Variants in STX17 observed in about 807,000 individuals in gnomAD.
STX17 encodes syntaxin-17.
Under a neutral mutation model 35.9 loss-of-function variants are expected in STX17, and 29 were observed. The observed-to-expected ratio is 0.81, with a 90% CI of 0.60 to 1.10. STX17 has a LOEUF of 1.10. STX17 is among the 50% of genes least tolerant of loss of function. The probability of loss-of-function intolerance (pLI) is 0.00; values close to 1 mark genes in which losing one functional copy is unlikely to be tolerated. For missense variants in STX17, 312 were observed against 352.3 expected (o/e 0.89, Z 0.92); for synonymous variants, 92 against 118.3 (o/e 0.78, Z 1.44).
At chr9:99,962,951 T>C (rs1009523035) in intron 6 of STX17, among the ~76,000 whole-genome samples, 2 of 152,194 alleles carry the variant, frequency 1.3e-5, no homozygotes, top group African/African-American at 4.8e-5. Context: ...TGATAGTGTC[T>C]AGACAAATTA....
chr9:99,941,158 A>G (rs902555063), intron 3 of STX17, among the ~76,000 whole-genome samples: 2 of 152,230 alleles, frequency 1.3e-5, no homozygotes, highest in African/African-American at 2.4e-5. Flanking sequence ...TTGGACCACT[A>G]CTTTGCCACT....
At chr9:99,953,364 A>G (rs952716711) in intron 4 of STX17, among the ~76,000 whole-genome samples, 26 of 152,120 alleles carry the variant, frequency 1.7e-4, no homozygotes, top group African/African-American at 5.5e-4. Context: ...GTAATTTCAC[A>G]TGCACTGTAA....
At chr9:99,945,679 A>T in intron 3 of STX17, 1 of 359,586 alleles carries the variant, frequency 2.8e-6, no homozygotes, top group Non-Finnish European at 5.5e-6. Context: ...TTTTGTATTG[A>T]TCTTGTTTTT....
chr9:99,930,375 C>T (rs1829095071), intron 3 of STX17, among the ~76,000 whole-genome samples: 1 of 151,942 alleles, frequency 6.6e-6, no homozygotes, highest in Admixed American at 6.5e-5. Flanking sequence ...TCACGCCATT[C>T]TCCTGCCTCA....
intron 3 of STX17, chr9:99,945,701 T>C (rs1477026695): frequency 2.6e-6 from 1 of 384,218 alleles, no homozygotes; most frequent in Non-Finnish European, 5.1e-6. Context: ...TTAATTTATC[T>C]AATTTTTTCC....
intron 3 of STX17, among the ~76,000 whole-genome samples, chr9:99,944,151 C>T (rs1053182973): frequency 6.6e-6 from 1 of 151,706 alleles, no homozygotes; most frequent in East Asian, 1.9e-4. Flanking sequence ...GTAGTAATGC[C>T]GTTTTTCATT....
rs145854854 is a variant in STX17 at position 99,968,218 on chromosome 9, C to T, written c.670-216C>T. 5.1e-3 allele frequency among the ~76,000 whole-genome samples: 779 copies of T among 152,248 alleles called. 6 individuals are homozygous for T. Among genetic ancestry groups the T allele is most frequent in the African/African-American group, 0.017 (710 of 41,550 alleles). ...CAAGTAAAATCAATTTGTAGCAGTCCACTCTTTGTAGCTCAGCTCTCTAAG... is the reference window on the plus strand; with the variant it reads ...CAAGTAAAATCAATTTGTAGCAGTCTACTCTTTGTAGCTCAGCTCTCTAAG... On this transcript the variant is annotated intron_variant, in intron 7 of 7. Transcript: ENST00000259400.
intron 4 of STX17, among the ~76,000 whole-genome samples, chr9:99,957,870 C>T (rs1037208029): frequency 6.6e-6 from 1 of 151,916 alleles, no homozygotes; most frequent in Non-Finnish European, 1.5e-5. Context: ...CCAGGCTGAT[C>T]TCGAACTCCT....
chr9:99,930,663 CT>C (rs377345786), intron 3 of STX17, among the ~76,000 whole-genome samples: 15 of 152,334 alleles, frequency 9.8e-5, no homozygotes, highest in Middle Eastern at 6.8e-3. Context: ...TGTTCTGGGA[CT>C]TTCCTTAGCT....
intron 6 of STX17, among the ~76,000 whole-genome samples, chr9:99,966,590 G>A (rs766943747): frequency 2.6e-4 from 40 of 151,984 alleles, no homozygotes; most frequent in Non-Finnish European, 4.0e-4. Flanking sequence ...ATCAAAGAGA[G>A]ATTCTCTTTT....
chr9:99,972,753 A>C lies in STX17; in HGVS notation c.*4080A>C, dbSNP rs1388264137. The stretch of plus-strand genomic sequence containing the variant: ...AGAAACCAAACCATGCTTTGTGTTA[A>C]CCTTAAATATGAAAGGTGTTTCTCA... On this transcript the variant is annotated 3_prime_UTR_variant, in exon 8 of 8. Coordinates refer to ENST00000259400, the MANE Select transcript of STX17 (RefSeq NM_017919.3). Among the ~76,000 whole-genome samples, 1 of 152,192 alleles carries C rather than the reference A, an allele frequency of 6.6e-6. No individual in the cohort carries two copies. The highest frequency in any genetic ancestry group is 1.9e-4 in the East Asian group (1 of 5,188).
At chr9:99,912,927 G>A (rs1828691765) in intron 1 of STX17, among the ~76,000 whole-genome samples, 1 of 151,974 alleles carries the variant, frequency 6.6e-6, no homozygotes, top group Admixed American at 6.6e-5. Context: ...CTTTTAATGA[G>A]GGGCTTGGTA....
rs557058805 is a variant in STX17 at position 99,948,148 on chromosome 9, C to T, written c.190-2912C>T. Among the ~76,000 whole-genome samples the T allele has an allele frequency of 4.6e-4, 70 of 152,090 alleles. 1 individual carries two copies. Among genetic ancestry groups the T allele is most frequent in the Admixed American group, 8.5e-4 (13 of 15,268 alleles). On this transcript the variant is annotated intron_variant, in intron 3 of 7. Transcript: ENST00000259400. ...TAGAGAGATTCCCTAGTTGCCCTAT[C>T]CAATGTAGTAGCTCCTAACTACATG...
chr9:99,969,584 G>A lies in STX17; in HGVS notation c.*911G>A, dbSNP rs1469241281. ...GAAATTTCGAGATATTTTCAACATTGTTAGAGTTTGGGCTAAAATGAGCAA... is the reference window on the plus strand; with the variant it reads ...GAAATTTCGAGATATTTTCAACATTATTAGAGTTTGGGCTAAAATGAGCAA... On this transcript the variant is annotated 3_prime_UTR_variant, in exon 8 of 8. Coordinates refer to ENST00000259400, the MANE Select transcript of STX17 (RefSeq NM_017919.3). The A allele has an allele frequency of 6.6e-6, 1 of 152,366 alleles. No individual in the cohort carries two copies. Among genetic ancestry groups the A allele is most frequent in the Non-Finnish European group, 1.5e-5 (1 of 68,038 alleles). The allele number at this position is 152,366 out of a possible 1,614,324, so 9.4% of individuals were successfully genotyped here.
chr9:99,929,050 G>T (rs1829052946), intron 3 of STX17: 2 of 488,840 alleles, frequency 4.1e-6, no homozygotes, highest in South Asian at 5.3e-5. Context: ...CTCCAGAAAT[G>T]ATACACAGAC....
At chr9:99,940,681 A>T (rs180798811) in intron 3 of STX17, among the ~76,000 whole-genome samples, 1 of 151,658 alleles carries the variant, frequency 6.6e-6, no homozygotes, top group Non-Finnish European at 1.5e-5. Flanking sequence ...GGGTTTCTTC[A>T]TGTTGTCCAG....
At chr9:99,966,485 A>G (rs900132556) in intron 6 of STX17, among the ~76,000 whole-genome samples, 1 of 152,204 alleles carries the variant, frequency 6.6e-6, no homozygotes, top group African/African-American at 2.4e-5. Flanking sequence ...GTCTGCCTCA[A>G]TATAAATGAA....
chr9:99,928,520 T>C (rs1432091517), intron 2 of STX17, among the ~76,000 whole-genome samples: 2 of 152,180 alleles, frequency 1.3e-5, no homozygotes, highest in Non-Finnish European at 2.9e-5. Context: ...ACAAAATACA[T>C]ACTCTTTTTC....
chr9:99,951,197 T>C lies in STX17; in HGVS notation c.327T>C (p.His109=). The part of the protein sequence containing the change: ...SAATAEFLQL[H]LESVEELKKQ... ...CAACAGCAGAATTTCTCCAACTCCA[T>C]TTGGAATCTGTAGAAGAACTTAAGA... The change falls in exon 4 of 8, where the codon CAT becomes CAC. Residue 109 remains histidine (H), a synonymous_variant. Transcript: ENST00000259400. The C allele has an allele frequency of 6.2e-7, 1 of 1,613,084 alleles. No individual in the cohort carries two copies.
Sources: gnomAD v4.1 joint callset for allele counts (sites outside exome capture counted in the v4.1 genomes callset) on GRCh38, gnomAD v4.1.1 for gene constraint, MANE v1.5 for transcripts, NCBI Gene and HGNC (gene_info 2026-07-23, HGNC 2026-07-21) for gene names.